ZNF519: variants seen among roughly 807,000 people sequenced by gnomAD.
The protein encoded by ZNF519 is similar to Zinc finger protein 85 (Zinc finger protein HPF4) (HTF1).
ZNF519 carries 7 observed loss-of-function variants against 7.4 expected under a neutral mutation model. The ratio of observed to expected loss-of-function variants is 0.94; its 90% confidence interval spans 0.54 to 1.77. ZNF519 has a LOEUF of 1.77. Among genes scored for constraint, ZNF519 ranks in the 40% most tolerant of loss-of-function variants. The pLI is 0.00. For missense variants in ZNF519, 586 were observed against 623.1 expected (o/e 0.94, Z 0.63); for synonymous variants, 179 against 203.3 (o/e 0.88, Z 1.02).
At chr18:14,082,017 C>T (rs750099589) in intron 3 of ZNF519, 1 of 151,882 alleles carries the variant, frequency 6.6e-6, no homozygotes, top group Admixed American at 6.6e-5. Context: ...AACACTGTAA[C>T]TTTAGTCCAC....
At chr18:14,073,545 A>AT, downstream of ZNF519, 1 of 152,344 alleles carries the variant, frequency 6.6e-6, no homozygotes, top group East Asian at 1.9e-4. Context: ...TGCTGGGATT[A>AT]TAGGTGTGAG....
chr18:14,109,969 T>C (rs1463987421), intron 2 of ZNF519, among the ~76,000 whole-genome samples: 6 of 152,158 alleles, frequency 3.9e-5, no homozygotes, highest in Non-Finnish European at 8.8e-5. Flanking sequence ...CAAAACAGCA[T>C]GGTATTGCTA....
Position 14,110,308 on chromosome 18 carries a change from C to T in ZNF519, c.131-3899G>A, listed in dbSNP as rs560405675. On this transcript the variant is annotated intron_variant, in intron 2 of 2. Coordinates refer to ENST00000590202, the MANE Select transcript of ZNF519 (RefSeq NM_145287.4). ...TTAGGCAAAAAATTCATGACTAAGA[C>T]CCCAAAAGCAAATGCAACAAAAACA... Among the ~76,000 whole-genome samples the T allele has an allele frequency of 2.0e-5, 3 of 152,164 alleles. No homozygotes were observed. The South Asian group carries it at 6.2e-4, about 32-fold the overall frequency.
At chr18:14,126,946 G>C (rs1475068239) in intron 1 of ZNF519, among the ~76,000 whole-genome samples, 1 of 152,172 alleles carries the variant, frequency 6.6e-6, no homozygotes, top group Non-Finnish European at 1.5e-5. Context: ...CCTGAGACAG[G>C]AGACACTCAG....
intron 2 of ZNF519, chr18:14,089,795 T>A (rs954439066): frequency 1.3e-5 from 2 of 152,172 alleles, no homozygotes; most frequent in African/African-American, 2.4e-5. Flanking sequence ...CATTAAACAG[T>A]AATGGAGATA....
chr18:14,079,743 C>T (rs1437592294), intron 3 of ZNF519, among the ~76,000 whole-genome samples: 1 of 152,072 alleles, frequency 6.6e-6, no homozygotes, highest in African/African-American at 2.4e-5. Flanking sequence ...ACATCTTCAC[C>T]AAAATGAACA....
intron 2 of ZNF519, among the ~76,000 whole-genome samples, chr18:14,122,852 C>T (rs1391395047): frequency 6.6e-6 from 1 of 151,794 alleles, no homozygotes; most frequent in Non-Finnish European, 1.5e-5. Context: ...CATACGTATA[C>T]ATGTGCCATG....
At chr18:14,113,385 A>T (rs889065661) in intron 2 of ZNF519, among the ~76,000 whole-genome samples, 1 of 152,164 alleles carries the variant, frequency 6.6e-6, no homozygotes, top group African/African-American at 2.4e-5. Flanking sequence ...CATGACCTGG[A>T]AACTCCCTCC....
chr18:14,071,736 T>A (rs1408517657), downstream of ZNF519: 1 of 152,212 alleles, frequency 6.6e-6, no homozygotes. Context: ...GACCTGTATT[T>A]GGTGTTGGGC....
intron 3 of ZNF519, among the ~76,000 whole-genome samples, chr18:14,083,813 T>C (rs2046079183): frequency 6.6e-6 from 1 of 152,216 alleles, no homozygotes; most frequent in South Asian, 2.1e-4. Flanking sequence ...TATTAATCTT[T>C]GTCCAGGATT....
At chr18:14,108,380 GC>G (rs138950795) in intron 2 of ZNF519, among the ~76,000 whole-genome samples, 2,189 of 152,188 alleles carry the variant, frequency 0.014, 53 homozygotes, top group African/African-American at 0.049. Flanking sequence ...ATTGAATGGT[GC>G]CTTTTCCAAG....
rs1567945954 is a variant in ZNF519 at position 14,103,366 on chromosome 18, A to AAT, written c.*1550_*1551insAT. On this transcript the variant is annotated 3_prime_UTR_variant, in exon 3 of 3. Transcript: ENST00000590202. Reference sequence around the variant, plus strand: ...CCAAAGTATTTTCCCTGACTTTAGTAAAAGGAAATTAAAAATAAATGAATG... The same window carrying AAT: ...CCAAAGTATTTTCCCTGACTTTAGTAATAAAGGAAATTAAAAATAAATGAATG... 1.3e-5 allele frequency: 2 copies of AAT among 152,270 alleles called. No individual in the cohort carries two copies. Among genetic ancestry groups the AAT allele is most frequent in the East Asian group, 3.9e-4 (2 of 5,194 alleles). 9.4% of individuals were successfully genotyped at this position (152,270 alleles called of 1,614,324 possible).
rs1158540078 is a variant in ZNF519, at chr18:14,100,692, A to G, written c.*4225T>C. 6.6e-6 allele frequency: 1 copy of G among 152,200 alleles called. No homozygotes were observed. The highest frequency in any genetic ancestry group is 1.5e-5 in the Non-Finnish European group (1 of 68,038). 9.4% of individuals were successfully genotyped at this position (152,200 alleles called of 1,614,324 possible). ...GAGTGGGTATGGTGGGGAGAAGGGA[A>G]GCGGATGTGGTTATAAGAGGAAAAC... On this transcript the variant is annotated 3_prime_UTR_variant, in exon 3 of 3. Transcript: ENST00000590202.
intron 2 of ZNF519, among the ~76,000 whole-genome samples, chr18:14,092,045 G>A (rs1012468165): frequency 2.0e-5 from 3 of 152,190 alleles, no homozygotes; most frequent in Non-Finnish European, 4.4e-5. Flanking sequence ...GAGCTGCTGT[G>A]TGTGGAAACT....
chr18:14,119,143 C>G (rs929735152), intron 2 of ZNF519, among the ~76,000 whole-genome samples: 5 of 152,146 alleles, frequency 3.3e-5, no homozygotes, highest in South Asian at 4.1e-4. Context: ...GGTAACAGGA[C>G]CATCAAAGGC....
rs1240468047 is a variant in ZNF519, at chr18:14,101,256, C to T, written c.*3661G>A. On this transcript the variant is annotated 3_prime_UTR_variant, in exon 3 of 3. Coordinates refer to ENST00000590202, the MANE Select transcript of ZNF519 (RefSeq NM_145287.4). ...CTCTGGAAGGTGGGCACCACGGGCT[C>T]CTCCTGCTGCCCCACCACGCCTGCA... is the stretch of plus-strand genomic sequence containing the variant. The T allele has an allele frequency of 6.5e-6, 1 of 153,918 alleles. No individual in the cohort carries two copies. Among genetic ancestry groups the T allele is most frequent in the African/African-American group, 2.4e-5 (1 of 41,502 alleles). The allele number at this position is 153,918 out of a possible 1,614,324, so 9.5% of individuals were successfully genotyped here.
chr18:14,126,828 T>C (rs1194346637), intron 1 of ZNF519, among the ~76,000 whole-genome samples: 2 of 152,206 alleles, frequency 1.3e-5, no homozygotes, highest in South Asian at 2.1e-4. Flanking sequence ...TTAAACCTTG[T>C]AGTCAGACTG....
At chr18:14,097,332 GGTT>G (rs1330384852), downstream of ZNF519, among the ~76,000 whole-genome samples, 1 of 152,130 alleles carries the variant, frequency 6.6e-6, no homozygotes, top group Non-Finnish European at 1.5e-5. Context: ...TAAGCACAAT[GGTT>G]GCAGGATGGA....
chr18:14,115,218 G>T (rs1398742669), intron 2 of ZNF519, among the ~76,000 whole-genome samples: 1 of 152,198 alleles, frequency 6.6e-6, no homozygotes, highest in African/African-American at 2.4e-5. Flanking sequence ...GTACAACCAG[G>T]AGAAACTCCC....
Sources: allele counts gnomAD v4.1 joint callset (sites outside exome capture counted in the v4.1 genomes callset), GRCh38; gene constraint gnomAD v4.1.1; transcripts MANE v1.5; gene names NCBI Gene and HGNC (gene_info 2026-07-23, HGNC 2026-07-21).